MTUS1: variants seen among roughly 807,000 people sequenced by gnomAD.
MTUS1 encodes the protein microtubule associated scaffold protein 1.
MTUS1 carries 109 observed loss-of-function variants against 120.8 expected under a neutral mutation model. That is an observed-to-expected ratio of 0.90 (90% CI 0.77 to 1.06). The LOEUF is 1.06. Among genes scored for constraint, MTUS1 ranks in the 50% least tolerant of loss-of-function variants. The probability of loss-of-function intolerance (pLI) is 0.00; values close to 1 mark genes in which losing one functional copy is unlikely to be tolerated. For synonymous variants in MTUS1, 737 were observed against 550.5 expected (o/e 1.34, Z -4.74); for missense variants, 2,210 against 1,486.3 (o/e 1.49, Z -8.01).
In MTUS1 at chr8:17,743,768, C is replaced by A; in HGVS notation, c.2123G>T (p.Gly708Val). 1 of 1,613,994 alleles carries A rather than the reference C, an allele frequency of 6.2e-7. No individual in the cohort carries two copies. The highest frequency in any genetic ancestry group is 8.5e-7 in the Non-Finnish European group (1 of 1,179,976). The change falls in exon 3 of 15, where the codon GGT (glycine) becomes GTT (valine). Residue 708 changes from glycine to valine, a missense_variant. Coordinates refer to ENST00000693296, the MANE Select transcript of MTUS1 (RefSeq NM_001363059.2). The stretch of plus-strand genomic sequence containing the variant: ...GGAGTCAGGCTTGGATATATTCCTA[C>A]CTGAGGTGGTCGTTGTTTTTGAAGC... ...GSASKTTTTS[G>V]RNISKPDSCG...
chr8:17,800,099 T>C (rs1005219369), intron 1 of MTUS1, among the ~76,000 whole-genome samples: 7 of 152,214 alleles, frequency 4.6e-5, no homozygotes, highest in South Asian at 4.1e-4. Context: ...CTTTTAAAGT[T>C]GTCCATGCAC....
chr8:17,766,022 A>G (rs2049459083), intron 1 of MTUS1, among the ~76,000 whole-genome samples: 1 of 152,192 alleles, frequency 6.6e-6, no homozygotes, highest in South Asian at 2.1e-4. Flanking sequence ...ACTACAAATT[A>G]AGAGACCTTT....
intron 6 of MTUS1, among the ~76,000 whole-genome samples, chr8:17,686,201 G>T (rs1815765098): frequency 6.6e-6 from 1 of 152,154 alleles, no homozygotes; most frequent in Non-Finnish European, 1.5e-5. Flanking sequence ...CAACTTCTAT[G>T]GGAATCCAGA....
chr8:17,786,842 C>T (rs1041661678), intron 1 of MTUS1, among the ~76,000 whole-genome samples: 1 of 152,200 alleles, frequency 6.6e-6, no homozygotes, highest in African/African-American at 2.4e-5. Flanking sequence ...CGCTTTATCA[C>T]AAGAGACTTT....
rs374568919 is a variant in MTUS1 at position 17,755,814 on chromosome 8, T to A, written c.-7A>T. Reference sequence around the variant, plus strand: ...CTGAATTATCATCAGTCATCCTGAATAGTAACCTTAAACCTCTGCCATTTT... The same window carrying A: ...CTGAATTATCATCAGTCATCCTGAAAAGTAACCTTAAACCTCTGCCATTTT... On this transcript the variant is annotated 5_prime_UTR_variant, in exon 2 of 15. Coordinates refer to ENST00000693296, the MANE Select transcript of MTUS1 (RefSeq NM_001363059.2). The A allele has an allele frequency of 6.2e-7, 1 of 1,608,002 alleles. No homozygotes were observed. The highest frequency in any genetic ancestry group is 1.1e-5 in the South Asian group (1 of 90,186).
intron 8 of MTUS1, among the ~76,000 whole-genome samples, chr8:17,674,056 G>A (rs919872965): frequency 2.6e-5 from 4 of 152,188 alleles, no homozygotes; most frequent in Non-Finnish European, 4.4e-5. Flanking sequence ...AGCTGAAGCA[G>A]GAAGTTGATT....
chr8:17,689,917 C>A, intron 6 of MTUS1, among the ~76,000 whole-genome samples: 1 of 101,020 alleles, frequency 9.9e-6, no homozygotes, highest in South Asian at 3.2e-4. Flanking sequence ...AATAAAAATT[C>A]CTGGGTGGGG....
chr8:17,787,993 T>C (rs993634401), intron 1 of MTUS1, among the ~76,000 whole-genome samples: 1 of 152,074 alleles, frequency 6.6e-6, no homozygotes, highest in African/African-American at 2.4e-5. Context: ...TGGTGGTGGG[T>C]GCCTGTAATC....
intron 3 of MTUS1, among the ~76,000 whole-genome samples, chr8:17,738,009 A>C (rs1469863329): frequency 1.3e-5 from 2 of 152,250 alleles, no homozygotes; most frequent in African/African-American, 2.4e-5. Flanking sequence ...CACGAAGGAA[A>C]TAACTTAGCA....
In MTUS1 at chr8:17,656,010, T is replaced by C. The variant is rs1808145090; in HGVS notation, c.2961A>G (p.Thr987=). 6.2e-7 allele frequency: 1 copy of C among 1,614,066 alleles called. No homozygotes were observed. The highest frequency in any genetic ancestry group is 2.2e-5 in the East Asian group (1 of 44,874). Reference sequence around the variant, plus strand: ...GCTGCTGGACGAATGCTTCATACACTGTTTGTAACTCATTCCTGGCTTTTT... The same window carrying C: ...GCTGCTGGACGAATGCTTCATACACCGTTTGTAACTCATTCCTGGCTTTTT... ...KLEKARNELQ[T]VYEAFVQQHQ... The change falls in exon 9 of 15, where the codon ACA becomes ACG. Residue 987 remains threonine, a synonymous_variant. Transcript: ENST00000693296.
intron 8 of MTUS1, among the ~76,000 whole-genome samples, chr8:17,666,089 GCTTTTT>G (rs1248043444): frequency 1.1e-5 from 1 of 91,946 alleles, no homozygotes; most frequent in Non-Finnish European, 2.0e-5. Context: ...CAGAACAGAT[GCTTTTT>G]TTTTTTTTTT....
At chr8:17,646,276 T>A in intron 14 of MTUS1, 137 bp from the exon 15 acceptor site, 1 of 1,010,484 alleles carries the variant, frequency 9.9e-7, no homozygotes, top group South Asian at 1.8e-5. Context: ...AGGTCACAGG[T>A]ATTTGGCTGG....
chr8:17,751,923 T>C (rs973416770), intron 2 of MTUS1, among the ~76,000 whole-genome samples: 2 of 150,794 alleles, frequency 1.3e-5, no homozygotes, highest in Admixed American at 6.6e-5. Flanking sequence ...TTATGCCAGT[T>C]GATAAGCATA....
rs557801386 is a variant in MTUS1, at chr8:17,685,437, T to C, written c.2624-895A>G. On this transcript the variant is annotated intron_variant, in intron 6 of 14. Transcript: ENST00000693296. ...TTCTTGAAATAAACAAGCCAAGTAA[T>C]CCAAACAAATGTAAATCTGGAAAAA... 6.1e-5 allele frequency among the ~76,000 whole-genome samples: 9 copies of C among 148,212 alleles called. No individual in the cohort carries two copies. The South Asian group carries it at 1.7e-3, about 28-fold the overall frequency.
chr8:17,736,915 T>A (rs1348949098), intron 3 of MTUS1, among the ~76,000 whole-genome samples: 2 of 152,134 alleles, frequency 1.3e-5, no homozygotes, highest in East Asian at 3.9e-4. Flanking sequence ...TTCATCATCA[T>A]GAATCCAAAA....
intron 8 of MTUS1, among the ~76,000 whole-genome samples, chr8:17,664,327 C>T (rs17116472): frequency 0.017 from 2,525 of 152,174 alleles, 57 homozygotes; most frequent in African/African-American, 0.057. Flanking sequence ...ATTTTCATAG[C>T]GCCACATAAG....
intron 6 of MTUS1, among the ~76,000 whole-genome samples, chr8:17,701,735 G>A (rs567167930): frequency 1.3e-5 from 2 of 152,174 alleles, no homozygotes; most frequent in South Asian, 4.2e-4. Context: ...ATTTTTAGTA[G>A]AGACAGGGTT....
At chr8:17,739,512 TA>T (rs2047163701) in intron 3 of MTUS1, among the ~76,000 whole-genome samples, 1 of 151,764 alleles carries the variant, frequency 6.6e-6, no homozygotes, top group Non-Finnish European at 1.5e-5. Flanking sequence ...AATAAATAAA[TA>T]AATTAATAAA....
chr8:17,679,354 C>T (rs7830880), intron 7 of MTUS1, among the ~76,000 whole-genome samples: 19,827 of 140,156 alleles, frequency 0.14, 1,337 homozygotes, highest in South Asian at 0.24. Context: ...TGTGTGCGCG[C>T]GCGTGTGTGT....
Sources: gnomAD v4.1 joint callset for allele counts (sites outside exome capture counted in the v4.1 genomes callset) on GRCh38, gnomAD v4.1.1 for gene constraint, MANE v1.5 for transcripts, NCBI Gene and HGNC (gene_info 2026-07-23, HGNC 2026-07-21) for gene names.